The following TBKBP1 variants were observed in gnomAD, a reference collection of about 807,000 sequenced individuals.
TBKBP1 encodes the protein TBK1 binding protein 1.
TBKBP1 carries 47 observed loss-of-function variants against 69.9 expected under a neutral mutation model. That is an observed-to-expected ratio of 0.67 (90% confidence interval 0.53 to 0.86). TBKBP1 has a LOEUF of 0.86. TBKBP1 is among the 40% of genes least tolerant of loss of function. The pLI, the probability that TBKBP1 is intolerant of heterozygous loss-of-function variation, is 0.00. For missense variants in TBKBP1, 831 were observed against 858.6 expected (o/e 0.97, Z 0.40); for synonymous variants, 418 against 390.3 (o/e 1.07, Z -0.84).
chr17:47,706,708 AG>A, intron 7 of TBKBP1, among the ~76,000 whole-genome samples: 1 of 152,274 alleles, frequency 6.6e-6, no homozygotes, highest in African/African-American at 2.4e-5. Flanking sequence ...GATTAGTAAG[AG>A]ACAGCCAGTG....
At position 47,709,223 on chromosome 17, in the gene TBKBP1, AC is replaced by A; in HGVS notation, c.1491del (p.Tyr497Ter). The A allele has an allele frequency of 6.6e-7, 1 of 1,526,070 alleles. No individual in the cohort carries two copies. Among genetic ancestry groups the A allele is most frequent in the Non-Finnish European group, 8.7e-7 (1 of 1,146,276 alleles). 94.5% of individuals were successfully genotyped at this position (1,526,070 alleles called of 1,614,324 possible). On this transcript the variant is annotated frameshift_variant, in exon 9 of 10. Coordinates refer to ENST00000578982, the MANE Select transcript of TBKBP1 (RefSeq NM_001394755.1). LOFTEE classifies it high-confidence loss of function. ...CCCCGGGCCTACGGCAGCGAGCTCT[AC>A]GGCCCTGGCAGGCCCCTCAGCCCGC... ...PKPRAYGSELYGPGRPLSPRR... is the reference protein window; with the variant it reads ...PKPRAYGSELXGPGRPLSPRR...
Position 47,704,023 on chromosome 17 carries a change from A to G in TBKBP1, c.872+4326A>G, listed in dbSNP as rs571605913. On this transcript the variant is annotated intron_variant, in intron 7 of 9. Transcript: ENST00000578982. The stretch of plus-strand genomic sequence containing the variant: ...TGAGGGGCAACCGTGTGATTTGTTG[A>G]CCAGACTGGATCACTTTTGAAAGTG... Among the ~76,000 whole-genome samples, 113 of 152,286 alleles carry G rather than the reference A, an allele frequency of 7.4e-4. 1 individual carries two copies. Among genetic ancestry groups the G allele is most frequent in the Non-Finnish European group, 5.9e-5 (4 of 68,022 alleles).
At chr17:47,701,672 G>A (rs1344176869) in intron 7 of TBKBP1, among the ~76,000 whole-genome samples, 3 of 152,172 alleles carry the variant, frequency 2.0e-5, no homozygotes, top group African/African-American at 4.8e-5. Context: ...GTGAGGCGGT[G>A]GGTAGAAGCA....
chr17:47,708,529 C>G lies in TBKBP1; in HGVS notation c.991+17C>G. The G allele has an allele frequency of 6.2e-7, 1 of 1,611,508 alleles. No homozygotes were observed. Among genetic ancestry groups the G allele is most frequent in the South Asian group, 1.1e-5 (1 of 91,024 alleles). ...GGAGTGGCGGTGAGATGGGGCAGGG[C>G]AGGGGGAGGCAGCCGCGGGACCCGG... On this transcript the variant is annotated intron_variant, in intron 8 of 9. Transcript: ENST00000578982. The surrounding 1 kb of genome is among the most constrained non-coding windows in gnomAD (Gnocchi z 4.4).
Position 47,699,342 on chromosome 17 carries a change from C to A in TBKBP1, c.657C>A (p.Pro219=). ...LSHAGWPGST[P]SVSDLERRRL... is the part of the protein sequence containing the mutation. The stretch of plus-strand genomic sequence containing the variant: ...CAGCAGGCTGGCCGGGCTCCACACC[C>A]AGTGTGAGTGACCTGGAGCGGCGGC... The change falls in exon 6 of 10, where the codon CCC becomes CCA. Residue 219 remains proline, a synonymous_variant. Transcript: ENST00000578982. 6.5e-7 allele frequency: 1 copy of A among 1,543,752 alleles called. No homozygotes were observed. Among genetic ancestry groups the A allele is most frequent in the Non-Finnish European group, 8.7e-7 (1 of 1,150,996 alleles).
At chr17:47,709,486 AC>A in intron 9 of TBKBP1, 34 bp downstream of exon 9, 2 of 1,470,386 alleles carry the variant, frequency 1.4e-6, no homozygotes, top group Non-Finnish European at 1.8e-6. Context: ...CCCACCCCGG[AC>A]CGGGCCTTGA....
intron 9 of TBKBP1, 75 bp from the exon 10 acceptor site, chr17:47,710,423 G>A (rs1428039965): frequency 6.4e-7 from 1 of 1,555,484 alleles, no homozygotes; most frequent in South Asian, 1.2e-5. Flanking sequence ...CTGGGTCCTG[G>A]GACAGGGCAG....
chr17:47,708,641 G>A lies in TBKBP1; in HGVS notation c.992-84G>A. On this transcript the variant is annotated intron_variant, in intron 8 of 9. Transcript: ENST00000578982. This position sits in a 1 kb window ranked among gnomAD's most constrained non-coding sequence, Gnocchi z 4.4. ...TGTGGCCTGGAGTTGGTGGGCATGG[G>A]TCCGGGCAAGCCCCTGGCGCTCCAG... 7.1e-7 allele frequency: 1 copy of A among 1,418,078 alleles called. No individual in the cohort carries two copies. The highest frequency in any genetic ancestry group is 9.5e-7 in the Non-Finnish European group (1 of 1,053,346). The allele number at this position is 1,418,078 out of a possible 1,614,324, so 87.8% of individuals were successfully genotyped here.
intron 9 of TBKBP1, 68 bp downstream of exon 9, chr17:47,709,520 C>T (rs2031849488): frequency 7.0e-7 from 1 of 1,424,478 alleles, no homozygotes; most frequent in Non-Finnish European, 9.1e-7. Context: ...AGCGCCTCAC[C>T]CTCCGTTGAG....
rs1240194435 is a variant in TBKBP1 at position 47,708,694 on chromosome 17, T to TC, written c.992-25dup. Reference sequence around the variant, plus strand: ...CTGAGGTCTTCTCTCTGCACCTTTGTCCCCCCACCCCGTCCCGGTTTCTCT... The same window carrying TC: ...CTGAGGTCTTCTCTCTGCACCTTTGTCCCCCCCACCCCGTCCCGGTTTCTCT... On this transcript the variant is annotated intron_variant, in intron 8 of 9. Coordinates refer to ENST00000578982, the MANE Select transcript of TBKBP1 (RefSeq NM_001394755.1). This position sits in a 1 kb window ranked among gnomAD's most constrained non-coding sequence, Gnocchi z 4.4. The TC allele has an allele frequency of 1.4e-6, 2 of 1,477,168 alleles. No individual in the cohort carries two copies. Among genetic ancestry groups the TC allele is most frequent in the Non-Finnish European group, 1.8e-6 (2 of 1,118,596 alleles). The allele number at this position is 1,477,168 out of a possible 1,614,324, so 91.5% of individuals were successfully genotyped here.
chr17:47,706,720 A>G (rs2031708030), intron 7 of TBKBP1, among the ~76,000 whole-genome samples: 1 of 152,094 alleles, frequency 6.6e-6, no homozygotes, highest in Non-Finnish European at 1.5e-5. Flanking sequence ...ACAGCCAGTG[A>G]GCGACAGCAG....
At chr17:47,702,994 GAA>G (rs796925850) in intron 7 of TBKBP1, among the ~76,000 whole-genome samples, 4,130 of 34,912 alleles carry the variant, frequency 0.12, 262 homozygotes, top group African/African-American at 0.34. Flanking sequence ...GCGGGGGGGG[GAA>G]CTTCTTGAAG....
chr17:47,701,862 C>T (rs1361877426), intron 7 of TBKBP1, among the ~76,000 whole-genome samples: 1 of 152,248 alleles, frequency 6.6e-6, no homozygotes, highest in Non-Finnish European at 1.5e-5. Flanking sequence ...GAGCTGGCCT[C>T]TGCTTGGGGG....
chr17:47,709,444 T>C lies in TBKBP1; in HGVS notation c.1711T>C (p.Ser571Pro). Residue 571 changes from serine (S) to proline (P), a missense_variant, in exon 9 of 10, where the codon TCC (serine) becomes CCC (proline). Coordinates refer to ENST00000578982, the MANE Select transcript of TBKBP1 (RefSeq NM_001394755.1). ...AHAEHAQSWP[S>P]INLLMETVGS... is the part of the protein sequence containing the mutation. Reference sequence around the variant, plus strand: ...CGCCGAGCACGCGCAGTCCTGGCCGTCCATCAACGTGAGTGGGGCGCCCGC... The same window carrying C: ...CGCCGAGCACGCGCAGTCCTGGCCGCCCATCAACGTGAGTGGGGCGCCCGC... The C allele has an allele frequency of 6.5e-7, 1 of 1,528,192 alleles. No individual in the cohort carries two copies. The highest frequency in any genetic ancestry group is 8.7e-7 in the Non-Finnish European group (1 of 1,145,690). 94.7% of individuals were successfully genotyped at this position (1,528,192 alleles called of 1,614,324 possible). A position where few individuals can be genotyped will look rare whatever the true frequency, so the allele number is the denominator to read the frequency against.
At chr17:47,709,925 T>C (rs1259111847) in intron 9 of TBKBP1, among the ~76,000 whole-genome samples, 1 of 152,248 alleles carries the variant, frequency 6.6e-6, no homozygotes, top group Non-Finnish European at 1.5e-5. Flanking sequence ...GCTGTGGTGA[T>C]GGTGGCTACT....
Position 47,708,734 on chromosome 17 carries a change from A to G in TBKBP1, c.1001A>G (p.His334Arg), listed in dbSNP as rs1402707574. 6.9e-7 allele frequency: 1 copy of G among 1,453,970 alleles called. No individual in the cohort carries two copies. The allele number at this position is 1,453,970 out of a possible 1,614,324, so 90.1% of individuals were successfully genotyped here. The change falls in exon 9 of 10, where the codon CAC (histidine) becomes CGC (arginine). Residue 334 changes from histidine to arginine, a missense_variant. By Grantham distance (29) the His-to-Arg change is conservative (BLOSUM62 0). Transcript: ENST00000578982. This position sits in a 1 kb window ranked among gnomAD's most constrained non-coding sequence, Gnocchi z 4.4. ...CCGGTTTCTCTTCCAGGCCAGAGGC[A>G]CTCGCCGCTGTCACAACGCCACTCC... ...QEQARSGGQR[H>R]SPLSQRHSPA...
chr17:47,710,834 C>T lies in TBKBP1; in HGVS notation c.*208C>T. ...TTCCTGGGAGGTCAGCCGAGGCTCC[C>T]CCCATGCTCCTGGTTTCTGCTTAGG... is the stretch of plus-strand genomic sequence containing the variant. On this transcript the variant is annotated 3_prime_UTR_variant, in exon 10 of 10. Coordinates refer to ENST00000578982, the MANE Select transcript of TBKBP1 (RefSeq NM_001394755.1). The T allele has an allele frequency of 1.6e-6, 1 of 616,024 alleles. No individual in the cohort carries two copies. The highest frequency in any genetic ancestry group is 2.6e-6 in the Non-Finnish European group (1 of 385,972). The allele number at this position is 616,024 out of a possible 1,614,324, so 38.2% of individuals were successfully genotyped here.
At position 47,708,478 on chromosome 17, in the gene TBKBP1, G is replaced by T; in HGVS notation, c.957G>T (p.Leu319Phe). The part of the protein sequence containing the change: ...RELSSLQGRI[L>F]RTLLQEQARS... ...TGAGTTCCCTACAGGGGAGAATCTT[G>T]AGGACTCTGTTGCAGGAACAGGCCC... The change falls in exon 8 of 10, where the codon TTG (leucine) becomes TTT (phenylalanine). Residue 319 changes from leucine to phenylalanine, a missense_variant. Physicochemically the swap from Leu to Phe is conservative, Grantham distance 22. Coordinates refer to ENST00000578982, the MANE Select transcript of TBKBP1 (RefSeq NM_001394755.1). The surrounding 1 kb of genome is among the most constrained non-coding windows in gnomAD (Gnocchi z 4.4). 1 of 1,613,904 alleles carries T rather than the reference G, an allele frequency of 6.2e-7. No homozygotes were observed. The highest frequency in any genetic ancestry group is 8.5e-7 in the Non-Finnish European group (1 of 1,179,838).
chr17:47,701,980 C>T (rs1304872301), intron 7 of TBKBP1, among the ~76,000 whole-genome samples: 2 of 152,256 alleles, frequency 1.3e-5, no homozygotes, highest in Admixed American at 1.3e-4. Flanking sequence ...GCCAGCCAGG[C>T]TCTGCTGCCC....
Sources: gnomAD v4.1 joint callset for allele counts (sites outside exome capture counted in the v4.1 genomes callset) on GRCh38, gnomAD v4.1.1 for gene constraint, Gnocchi (gnomAD v3.1) non-coding constraint, MANE v1.5 for transcripts, NCBI Gene and HGNC (gene_info 2026-07-23, HGNC 2026-07-21) for gene names.